The following MECR variants were observed in gnomAD, a reference collection of about 807,000 sequenced individuals.
The protein encoded by MECR is enoyl-[acyl-carrier-protein] reductase, mitochondrial.
Under a neutral mutation model 49.1 loss-of-function variants are expected in MECR, and 37 were observed. The ratio of observed to expected loss-of-function variants is 0.75; its 90% CI spans 0.58 to 0.99. The LOEUF (loss-of-function observed/expected upper bound fraction) is 0.99, where lower values mean the gene tolerates loss of function less well. Ranked by LOEUF, MECR falls within the 50% of genes least tolerant of loss-of-function variation. The pLI is 0.00. For synonymous variants in MECR, 198 were observed against 191.1 expected (o/e 1.04, Z -0.30); for missense variants, 470 against 479.6 (o/e 0.98, Z 0.19).
At chr1:29,221,923 A>T (rs79507551) in intron 1 of MECR, among the ~76,000 whole-genome samples, 1 of 152,160 alleles carries the variant, frequency 6.6e-6, no homozygotes. Flanking sequence ...CAAAATGCCT[A>T]TGTGGAGGGT....
At chr1:29,229,223 GAC>G (rs1682859697) in intron 1 of MECR, among the ~76,000 whole-genome samples, 1 of 145,214 alleles carries the variant, frequency 6.9e-6, no homozygotes, top group African/African-American at 2.6e-5. Flanking sequence ...TTTTTTTTGA[GAC>G]AGAGTCTCGC....
chr1:29,188,972 T>G (rs573230725), downstream of MECR, among the ~76,000 whole-genome samples: 4 of 151,224 alleles, frequency 2.6e-5, no homozygotes, highest in South Asian at 4.2e-4. Context: ...GGAGATTCAC[T>G]CTTGTTGCCC....
At chr1:29,178,746 A>C in the MECR span, among the ~76,000 whole-genome samples, 1 of 152,160 alleles carries the variant, frequency 6.6e-6, no homozygotes, top group Non-Finnish European at 1.5e-5. Flanking sequence ...ATAAGCTTAC[A>C]TACGTAGCTA....
intron 1 of MECR, among the ~76,000 whole-genome samples, chr1:29,219,126 G>A (rs962606423): frequency 6.6e-6 from 1 of 152,262 alleles, no homozygotes; most frequent in Admixed American, 6.5e-5. Flanking sequence ...TGGAGGGAGC[G>A]CTAACAGGTG....
chr1:29,185,573 G>A, the MECR span, among the ~76,000 whole-genome samples: 5 of 152,118 alleles, frequency 3.3e-5, no homozygotes, highest in African/African-American at 1.2e-4. Flanking sequence ...GTGCCACCAC[G>A]CCCAGCTAAT....
At chr1:29,179,466 C>T in the MECR span, among the ~76,000 whole-genome samples, 2 of 152,062 alleles carry the variant, frequency 1.3e-5, no homozygotes, top group African/African-American at 4.8e-5. Flanking sequence ...CTGAAGTGAT[C>T]CTCCTGCCTC....
At chr1:29,219,639 G>C (rs1410668240) in intron 1 of MECR, among the ~76,000 whole-genome samples, 1 of 152,120 alleles carries the variant, frequency 6.6e-6, no homozygotes, top group Non-Finnish European at 1.5e-5. Flanking sequence ...AATTGATCAG[G>C]ACAAGACATA....
chr1:29,179,003 T>C, the MECR span, among the ~76,000 whole-genome samples: 2 of 152,190 alleles, frequency 1.3e-5, no homozygotes, highest in Admixed American at 6.5e-5. Context: ...ATTTCATGCA[T>C]ATCATGGTTT....
chr1:29,215,406 C>T (rs1299855933), intron 3 of MECR, among the ~76,000 whole-genome samples: 1 of 152,022 alleles, frequency 6.6e-6, no homozygotes, highest in Non-Finnish European at 1.5e-5. Context: ...GATAAAACCC[C>T]CTCTTTACTA....
At chr1:29,207,624 C>T (rs1032770670) in intron 3 of MECR, among the ~76,000 whole-genome samples, 19 of 151,872 alleles carry the variant, frequency 1.3e-4, no homozygotes, top group South Asian at 2.1e-4. Flanking sequence ...CCTGCAGTCC[C>T]GGCTTCTCAT....
chr1:29,212,345 T>C (rs917497124), intron 3 of MECR, among the ~76,000 whole-genome samples: 5 of 151,980 alleles, frequency 3.3e-5, no homozygotes, highest in Non-Finnish European at 7.4e-5. Flanking sequence ...CTTGAACCCA[T>C]GAGGTGGAGG....
intron 3 of MECR, among the ~76,000 whole-genome samples, chr1:29,209,672 T>G (rs1052957565): frequency 1.3e-5 from 2 of 152,060 alleles, no homozygotes; most frequent in East Asian, 3.9e-4. Flanking sequence ...GGCAGGATCT[T>G]GTATGAAGAA....
At chr1:29,206,682 C>G in intron 4 of MECR, 80 bp downstream of exon 4, 2 of 1,527,018 alleles carry the variant, frequency 1.3e-6, no homozygotes, top group Non-Finnish European at 1.8e-6. Context: ...CTTGCAAGTT[C>G]TCCTGGCCTT....
chr1:29,169,956 C>G, the MECR span: 2 of 152,222 alleles, frequency 1.3e-5, no homozygotes, highest in Non-Finnish European at 2.9e-5. Context: ...CTATTCAAAA[C>G]TTTCAAAAAT....
chr1:29,188,113 C>T (rs1197402047), downstream of MECR, among the ~76,000 whole-genome samples: 1 of 149,558 alleles, frequency 6.7e-6, no homozygotes, highest in East Asian at 2.0e-4. Context: ...TGGGGTTTCA[C>T]CATGTTGGCC....
chr1:29,225,893 G>A (rs1425071585), intron 1 of MECR, among the ~76,000 whole-genome samples: 1 of 152,194 alleles, frequency 6.6e-6, no homozygotes, highest in African/African-American at 2.4e-5. Context: ...GGTAGGCCGG[G>A]TGCCGTGGCT....
intron 3 of MECR, among the ~76,000 whole-genome samples, 198 bp downstream of exon 3, chr1:29,215,807 G>A (rs1398332333): frequency 6.6e-6 from 1 of 152,122 alleles, no homozygotes; most frequent in African/African-American, 2.4e-5. Context: ...GGAGGCGGAG[G>A]TTTTGGTGAG....
At chr1:29,217,156 A>C (rs1679645075) in intron 1 of MECR, among the ~76,000 whole-genome samples, 1 of 149,098 alleles carries the variant, frequency 6.7e-6, no homozygotes. Flanking sequence ...AAAAAAAAGA[A>C]ATCAACATAG....
downstream of MECR, among the ~76,000 whole-genome samples, chr1:29,190,030 G>A (rs1379526499): frequency 6.6e-6 from 1 of 152,208 alleles, no homozygotes; most frequent in African/African-American, 2.4e-5. Context: ...GTCCTGAGGT[G>A]GGCAGTTGGG....
Sources: allele counts gnomAD v4.1 joint callset (sites outside exome capture counted in the v4.1 genomes callset), GRCh38; gene constraint gnomAD v4.1.1; transcripts MANE v1.5; gene names NCBI Gene and HGNC (gene_info 2026-07-23, HGNC 2026-07-21).